The following RPP21 variants were observed in gnomAD, a reference collection of about 807,000 sequenced individuals.
RPP21 encodes the protein ribonuclease P subunit p21, also known as ribonuclease P protein subunit p21.
RPP21 carries 21 observed loss-of-function variants against 19.0 expected under a neutral mutation model. The ratio of observed to expected loss-of-function variants is 1.11; its 90% CI spans 0.78 to 1.59. The LOEUF (loss-of-function observed/expected upper bound fraction) is 1.59, where lower values mean the gene tolerates loss of function less well. Among genes scored for constraint, RPP21 ranks in the 40% most tolerant of loss-of-function variants. The probability of loss-of-function intolerance (pLI) is 0.00; values close to 1 mark genes in which losing one functional copy is unlikely to be tolerated. For synonymous variants in RPP21, 93 were observed against 78.7 expected (o/e 1.18, Z -0.96); for missense variants, 215 against 200.2 (o/e 1.07, Z -0.45).
Position 30,346,238 on chromosome 6 carries a change from G to T in RPP21, c.242-194G>T. On this transcript the variant is annotated intron_variant, in intron 3 of 4. Transcript: ENST00000442966. The surrounding 1 kb of genome is among the most constrained non-coding windows in gnomAD (Gnocchi z 4.7). ...CCAGTTCTTGAAGTCTTGTTAGGGAGTTTGAACTTTATCTTAAAGAGTTCC... is the reference window on the plus strand; with the variant it reads ...CCAGTTCTTGAAGTCTTGTTAGGGATTTTGAACTTTATCTTAAAGAGTTCC... 9 of 1,007,486 alleles carry T rather than the reference G, an allele frequency of 8.9e-6. No individual in the cohort carries two copies. The highest frequency in any genetic ancestry group is 1.1e-5 in the Non-Finnish European group (8 of 713,282). The allele number at this position is 1,007,486 out of a possible 1,614,324, so 62.4% of individuals were successfully genotyped here.
intron 3 of RPP21, 185 bp downstream of exon 3, chr6:30,345,758 G>T: frequency 1.5e-6 from 1 of 689,250 alleles, no homozygotes; most frequent in Non-Finnish European, 2.2e-6. Context: ...GCACAAACTA[G>T]GGTTTGGGCT....
Position 30,346,669 on chromosome 6 carries a change from T to C in RPP21, c.368-44T>C, listed in dbSNP as rs749858408. 1 of 1,614,002 alleles carries C rather than the reference T, an allele frequency of 6.2e-7. No individual in the cohort carries two copies. The highest frequency in any genetic ancestry group is 8.5e-7 in the Non-Finnish European group (1 of 1,179,954). ...TGGGTTGGTGTGAGAAGTACCACAG[T>C]CAGAAAACTAATTCTGTTTCTCTGA... is the stretch of plus-strand genomic sequence containing the variant. On this transcript the variant is annotated intron_variant, in intron 4 of 4. Transcript: ENST00000442966. The surrounding 1 kb of genome is among the most constrained non-coding windows in gnomAD (Gnocchi z 4.7).
At position 30,346,404 on chromosome 6, in the gene RPP21, G is replaced by A; in HGVS notation, c.242-28G>A. 1 of 1,602,752 alleles carries A rather than the reference G, an allele frequency of 6.2e-7. No homozygotes were observed. The highest frequency in any genetic ancestry group is 8.5e-7 in the Non-Finnish European group (1 of 1,171,138). ...CAAGAGACCGTTACTTCTAAACGTGGACAGTCTTTTTCCCATGTTCACCCT... is the reference window on the plus strand; with the variant it reads ...CAAGAGACCGTTACTTCTAAACGTGAACAGTCTTTTTCCCATGTTCACCCT... On this transcript the variant is annotated intron_variant, in intron 3 of 4. Transcript: ENST00000442966. The surrounding 1 kb of genome is among the most constrained non-coding windows in gnomAD (Gnocchi z 4.7).
chr6:30,345,612 G>C, intron 3 of RPP21, 39 bp downstream of exon 3: 1 of 1,491,012 alleles, frequency 6.7e-7, no homozygotes, highest in Non-Finnish European at 8.9e-7. Flanking sequence ...GCGGAGCATT[G>C]GGGGCGCGGA....
rs147401582 is a variant in RPP21 at position 30,346,498 on chromosome 6, A to G, written c.308A>G (p.Asn103Ser). The G allele has an allele frequency of 4.6e-4, 748 of 1,613,982 alleles. No homozygotes were observed. The highest frequency in any genetic ancestry group is 5.3e-4 in the Non-Finnish European group (630 of 1,180,024). Residue 103 changes from asparagine (N) to serine (S), a missense_variant, in exon 4 of 5, where the codon AAT (asparagine) becomes AGT (serine). By Grantham distance (46) the Asn-to-Ser change is conservative (BLOSUM62 1). Coordinates refer to ENST00000442966, the MANE Select transcript of RPP21 (RefSeq NM_024839.4). The surrounding 1 kb of genome is among the most constrained non-coding windows in gnomAD (Gnocchi z 4.7). ...LTCQRSQRFL[N>S]DPGHLLWGDR... is the part of the protein sequence containing the mutation. The stretch of plus-strand genomic sequence containing the variant: ...TGCCAGCGCAGCCAACGCTTCCTCA[A>G]TGATCCCGGGCATTTACTCTGGGGA...
intron 2 of RPP21, 36 bp from the exon 3 acceptor site, chr6:30,345,455 C>G (rs1031710872): frequency 1.2e-6 from 2 of 1,610,588 alleles, no homozygotes; most frequent in Admixed American, 1.7e-5. Context: ...CGAGAGGGAG[C>G]GCGGGCGCCA....
chr6:30,346,330 T>C lies in RPP21; in HGVS notation c.242-102T>C, dbSNP rs1180725307. The C allele has an allele frequency of 1.9e-6, 3 of 1,538,584 alleles. No homozygotes were observed. In the African/African-American group the frequency reaches 4.1e-5, roughly 21 times the overall value. On this transcript the variant is annotated intron_variant, in intron 3 of 4. Transcript: ENST00000442966. The surrounding 1 kb of genome is among the most constrained non-coding windows in gnomAD (Gnocchi z 4.7). Reference sequence around the variant, plus strand: ...ATGTGCATTCAAATTGGGGGTGTGGTGGGGGAGCGGGGATACCTACTGAAA... The same window carrying C: ...ATGTGCATTCAAATTGGGGGTGTGGCGGGGGAGCGGGGATACCTACTGAAA...
rs1788174322 is a variant in RPP21, at chr6:30,346,563, AGGT to A, written c.367+8_367+10del. ...CCAGCTCGGGAGCCAAGCAGGTGAG[AGGT>A]GAGGGAGAAAATGGAGGACACCCCA... On this transcript the variant is annotated splice_region_variant and intron_variant, in intron 4 of 4. Coordinates refer to ENST00000442966, the MANE Select transcript of RPP21 (RefSeq NM_024839.4). This position sits in a 1 kb window ranked among gnomAD's most constrained non-coding sequence, Gnocchi z 4.7. 1 of 1,613,922 alleles carries A rather than the reference AGGT, an allele frequency of 6.2e-7. No homozygotes were observed. Among genetic ancestry groups the A allele is most frequent in the South Asian group, 1.1e-5 (1 of 91,084 alleles).
chr6:30,345,190 G>C lies in RPP21; in HGVS notation c.19G>C (p.Asp7His), dbSNP rs944159974. The C allele has an allele frequency of 1.9e-6, 3 of 1,570,980 alleles. No homozygotes were observed. Among genetic ancestry groups the C allele is most frequent in the Admixed American group, 3.7e-5 (2 of 53,550 alleles). ...GGCGGTGATGGCGGGGCCGGTGAAG[G>C]ACCGCGAGGCCTTCCAGAGGCTCAA... MAGPVK[D>H]REAFQRLNFL... is the part of the protein sequence containing the mutation. The change falls in exon 1 of 5, where the codon GAC (aspartate) becomes CAC (histidine). Residue 7 changes from aspartate (D) to histidine (H), a missense_variant. Physicochemically the swap from Asp to His is moderately conservative, Grantham distance 81. Transcript: ENST00000442966.
At chr6:30,345,431 A>C (rs768423593) in intron 2 of RPP21, 33 bp downstream of exon 2, 9 of 1,607,424 alleles carry the variant, frequency 5.6e-6, no homozygotes, top group Non-Finnish European at 6.8e-6. Flanking sequence ...GGCGGGCGGG[A>C]CGCGGGAGGA....
At chr6:30,345,277 G>A in intron 1 of RPP21, 21 bp from the exon 2 acceptor site, 1 of 1,613,722 alleles carries the variant, frequency 6.2e-7, no homozygotes, top group Non-Finnish European at 8.5e-7. Context: ...GCGTCCCAGA[G>A]TGACTGCTCC....
chr6:30,346,774 G>A lies in RPP21; in HGVS notation c.429G>A (p.Glu143=), dbSNP rs756695312. ...TAHSISDRLP[E]EKMQTQGSSN... is the part of the protein sequence containing the mutation. Reference sequence around the variant, plus strand: ...ACTCCATTTCAGACCGCCTTCCTGAGGAGAAAATGCAGACTCAGGGTTCCA... The same window carrying A: ...ACTCCATTTCAGACCGCCTTCCTGAAGAGAAAATGCAGACTCAGGGTTCCA... The change falls in exon 5 of 5, where the codon GAG becomes GAA. Residue 143 remains glutamate (E), a synonymous_variant. Transcript: ENST00000442966. The surrounding 1 kb of genome is among the most constrained non-coding windows in gnomAD (Gnocchi z 4.7). The A allele has an allele frequency of 1.9e-6, 3 of 1,613,226 alleles. No homozygotes were observed. The South Asian group carries it at 3.3e-5, about 18-fold the overall frequency.
chr6:30,345,532 CCCT>C lies in RPP21; in HGVS notation c.205_207del (p.Leu69del), dbSNP rs1315554203. 1.9e-6 allele frequency: 3 copies of C among 1,589,812 alleles called. No homozygotes were observed. In the African/African-American group the frequency reaches 4.0e-5, roughly 21 times the overall value. On this transcript the variant is annotated inframe_deletion, in exon 3 of 5. Transcript: ENST00000442966. ...AGGACTCTCTGTCGAGGCTGCTCTT[CCCT>C]CCTCGTCCCGGGCCTCACCTGCACC...
rs1787969657 is a variant in RPP21, at chr6:30,345,207, G to C, written c.36G>C (p.Gln12His). 2.5e-6 allele frequency: 4 copies of C among 1,592,598 alleles called. No homozygotes were observed. The highest frequency in any genetic ancestry group is 3.4e-6 in the Non-Finnish European group (4 of 1,169,588). ...CGGTGAAGGACCGCGAGGCCTTCCA[G>C]AGGCTCAACTTCCTGTACCAGGTGA... is the stretch of plus-strand genomic sequence containing the variant. Reference protein sequence around the residue: ...AGPVKDREAFQRLNFLYQAAH... With the variant: ...AGPVKDREAFHRLNFLYQAAH... The change falls in exon 1 of 5, where the codon CAG (glutamine) becomes CAC (histidine). Residue 12 changes from glutamine to histidine, a missense_variant. By Grantham distance (24) the Gln-to-His change is conservative (BLOSUM62 0). Transcript: ENST00000442966.
At chr6:30,345,912 T>C (rs1217108626) in intron 3 of RPP21, 1 of 317,176 alleles carries the variant, frequency 3.2e-6, no homozygotes, top group Non-Finnish European at 5.8e-6. Flanking sequence ...CAAATACTTA[T>C]TTTCTAAAAT....
Position 30,346,742 on chromosome 6 carries a change from A to T in RPP21, c.397A>T (p.Thr133Ser). ...DSKPLQPLPN[T>S]AHSISDRLPE... ...CAAACCACTACAACCCTTGCCAAAC[A>T]CAGCCCACTCCATTTCAGACCGCCT... The change falls in exon 5 of 5, where the codon ACA becomes TCA. Residue 133 changes from threonine to serine, a missense_variant. Physicochemically the swap from Thr to Ser is moderately conservative, Grantham distance 58. Coordinates refer to ENST00000442966, the MANE Select transcript of RPP21 (RefSeq NM_024839.4). This position sits in a 1 kb window ranked among gnomAD's most constrained non-coding sequence, Gnocchi z 4.7. 3 of 1,613,360 alleles carry T rather than the reference A, an allele frequency of 1.9e-6. No individual in the cohort carries two copies. Among genetic ancestry groups the T allele is most frequent in the Non-Finnish European group, 2.5e-6 (3 of 1,180,034 alleles).
chr6:30,345,212 T>A lies in RPP21; in HGVS notation c.41T>A (p.Leu14His). Reference sequence around the variant, plus strand: ...AAGGACCGCGAGGCCTTCCAGAGGCTCAACTTCCTGTACCAGGTGAGTCTG... The same window carrying A: ...AAGGACCGCGAGGCCTTCCAGAGGCACAACTTCCTGTACCAGGTGAGTCTG... ...PVKDREAFQR[L>H]NFLYQAAHCV... Residue 14 changes from leucine to histidine, a missense_variant, in exon 1 of 5, where the codon CTC (leucine) becomes CAC (histidine). By Grantham distance (99) the Leu-to-His change is moderately conservative. Transcript: ENST00000442966. 6.3e-7 allele frequency: 1 copy of A among 1,597,436 alleles called. No homozygotes were observed. Among genetic ancestry groups the A allele is most frequent in the Non-Finnish European group, 8.5e-7 (1 of 1,172,064 alleles).
Position 30,345,201 on chromosome 6 carries a change from C to A in RPP21, c.30C>A (p.Ala10=). 1 of 1,585,660 alleles carries A rather than the reference C, an allele frequency of 6.3e-7. No individual in the cohort carries two copies. The highest frequency in any genetic ancestry group is 8.6e-7 in the Non-Finnish European group (1 of 1,165,944). Residue 10 remains alanine (A), a synonymous_variant, in exon 1 of 5, where the codon GCC becomes GCA. Coordinates refer to ENST00000442966, the MANE Select transcript of RPP21 (RefSeq NM_024839.4). MAGPVKDRE[A]FQRLNFLYQA... ...CGGGGCCGGTGAAGGACCGCGAGGC[C>A]TTCCAGAGGCTCAACTTCCTGTACC...
Position 30,346,429 on chromosome 6 carries a change from T to C in RPP21, c.242-3T>C. ...GACAGTCTTTTTCCCATGTTCACCCTAGGCTGCAGGGGACAGCGCTGGACC... is the reference window on the plus strand; with the variant it reads ...GACAGTCTTTTTCCCATGTTCACCCCAGGCTGCAGGGGACAGCGCTGGACC... On this transcript the variant is annotated splice_polypyrimidine_tract_variant and splice_region_variant and intron_variant, in intron 3 of 4. Coordinates refer to ENST00000442966, the MANE Select transcript of RPP21 (RefSeq NM_024839.4). The surrounding 1 kb of genome is among the most constrained non-coding windows in gnomAD (Gnocchi z 4.7). 6.2e-7 allele frequency: 1 copy of C among 1,613,208 alleles called. No homozygotes were observed. Among genetic ancestry groups the C allele is most frequent in the East Asian group, 2.2e-5 (1 of 44,830 alleles).
Sources: allele counts gnomAD v4.1 joint callset, GRCh38; gene constraint gnomAD v4.1.1; non-coding constraint Gnocchi (gnomAD v3.1); transcripts MANE v1.5; gene names NCBI Gene and HGNC (gene_info 2026-07-23, HGNC 2026-07-21).